SEZ6L: variants seen among roughly 807,000 people sequenced by gnomAD.
SEZ6L encodes seizure related 6 homolog like.
Under a neutral mutation model 106.2 loss-of-function variants are expected in SEZ6L, and 37 were observed. That is an observed-to-expected ratio of 0.35 (90% CI 0.27 to 0.46). The LOEUF (loss-of-function observed/expected upper bound fraction) is 0.46. Among genes scored for constraint, SEZ6L ranks in the 20% least tolerant of loss-of-function variants. The probability of loss-of-function intolerance (pLI) is 1.00; values close to 1 mark genes in which losing one functional copy is unlikely to be tolerated. For missense variants in SEZ6L, 1,172 were observed against 1,332.8 expected, an observed-to-expected ratio of 0.88 and a Z score of 1.88; for synonymous variants, 541 against 570.4, an observed-to-expected ratio of 0.95 and a Z score of 0.73.
At chr22:26,267,844 A>G (rs758853584) in intron 1 of SEZ6L, among the ~76,000 whole-genome samples, 3 of 152,198 alleles carry the variant, frequency 2.0e-5, no homozygotes, top group Non-Finnish European at 4.4e-5. Flanking sequence ...TGAAATTAAG[A>G]GGCAGGAGTT....
At chr22:26,268,810 G>A (rs753285877) in intron 1 of SEZ6L, among the ~76,000 whole-genome samples, 1 of 152,152 alleles carries the variant, frequency 6.6e-6, no homozygotes, top group Non-Finnish European at 1.5e-5. Flanking sequence ...TCCTCTGGAG[G>A]ACCAAATTAC....
At chr22:26,309,063 C>A (rs903956289) in intron 6 of SEZ6L, among the ~76,000 whole-genome samples, 5 of 152,170 alleles carry the variant, frequency 3.3e-5, no homozygotes, top group African/African-American at 1.2e-4. Flanking sequence ...AACATTTATA[C>A]ATCTTAGTGA....
chr22:26,268,420 G>T (rs2080257231), intron 1 of SEZ6L, among the ~76,000 whole-genome samples: 1 of 152,180 alleles, frequency 6.6e-6, no homozygotes, highest in Admixed American at 6.5e-5. Flanking sequence ...CATGACCAAG[G>T]TCACACAACT....
At chr22:26,300,489 A>C (rs950872489) in intron 5 of SEZ6L, among the ~76,000 whole-genome samples, 7 of 152,184 alleles carry the variant, frequency 4.6e-5, no homozygotes, top group African/African-American at 1.7e-4. Context: ...TGAACTCATC[A>C]TTTTTTATGG....
chr22:26,232,024 G>A (rs1032749858), intron 1 of SEZ6L, among the ~76,000 whole-genome samples: 3 of 152,250 alleles, frequency 2.0e-5, no homozygotes, highest in Non-Finnish European at 4.4e-5. Flanking sequence ...TTGAATGCAA[G>A]CTCCACCACC....
intron 2 of SEZ6L, 123 bp downstream of exon 2, chr22:26,293,269 G>A: frequency 1.5e-6 from 2 of 1,330,910 alleles, no homozygotes; most frequent in Non-Finnish European, 2.0e-6. Context: ...CGTCCATTGA[G>A]CACTGACTAT....
At chr22:26,277,432 C>A (rs898444246) in intron 1 of SEZ6L, among the ~76,000 whole-genome samples, 3 of 152,168 alleles carry the variant, frequency 2.0e-5, no homozygotes, top group Non-Finnish European at 4.4e-5. Context: ...TCCATCTGTA[C>A]GACCGTGGCA....
intron 8 of SEZ6L, among the ~76,000 whole-genome samples, chr22:26,313,436 A>G (rs1268947599): frequency 2.0e-5 from 3 of 152,090 alleles, no homozygotes; most frequent in Non-Finnish European, 4.4e-5. Flanking sequence ...CCCGCAAAAG[A>G]GCAGAGGCTG....
intron 9 of SEZ6L, among the ~76,000 whole-genome samples, chr22:26,334,019 G>A (rs1484611508): frequency 2.0e-5 from 3 of 152,068 alleles, no homozygotes; most frequent in Admixed American, 1.3e-4. Context: ...CGGCAGGGAC[G>A]GGGCAGGCGG....
chr22:26,249,604 C>G (rs1389631160), intron 1 of SEZ6L, among the ~76,000 whole-genome samples: 1 of 152,070 alleles, frequency 6.6e-6, no homozygotes, highest in Non-Finnish European at 1.5e-5. Context: ...CTGATTTCTT[C>G]TCTTGGCTAT....
Position 26,297,088 on chromosome 22 carries a change from C to T in SEZ6L, c.1162+8C>T. 6.3e-7 allele frequency: 1 copy of T among 1,580,238 alleles called. No individual in the cohort carries two copies. ...TCCAGCTTCACTACCAGGGTAGGGTCAGGCCAAGGCTGATGAAACATAGGC... is the reference window on the plus strand; with the variant it reads ...TCCAGCTTCACTACCAGGGTAGGGTTAGGCCAAGGCTGATGAAACATAGGC... On this transcript the variant is annotated splice_region_variant and intron_variant, in intron 4 of 16. Coordinates refer to ENST00000248933, the MANE Select transcript of SEZ6L (RefSeq NM_021115.5).
intron 9 of SEZ6L, among the ~76,000 whole-genome samples, chr22:26,314,136 T>C (rs1354465749): frequency 2.0e-5 from 3 of 150,570 alleles, no homozygotes; most frequent in Admixed American, 6.6e-5. Context: ...GTCCCTATCT[T>C]TGGGAAATTC....
chr22:26,236,978 C>T (rs982224212), intron 1 of SEZ6L, among the ~76,000 whole-genome samples: 14 of 152,164 alleles, frequency 9.2e-5, no homozygotes, highest in Non-Finnish European at 1.5e-4. Context: ...TTCTCTGCCT[C>T]GCTCTCAGTC....
At chr22:26,308,189 T>C (rs2081697216) in intron 6 of SEZ6L, among the ~76,000 whole-genome samples, 2 of 152,202 alleles carry the variant, frequency 1.3e-5, no homozygotes, top group Non-Finnish European at 2.9e-5. Context: ...GATAAGACTC[T>C]ACATAAGAAA....
At chr22:26,186,150 G>T (rs12158796) in intron 1 of SEZ6L, among the ~76,000 whole-genome samples, 1 of 151,792 alleles carries the variant, frequency 6.6e-6, no homozygotes, top group Non-Finnish European at 1.5e-5. Flanking sequence ...TCCTACACTT[G>T]CAGGGGAACG....
chr22:26,340,375 A>G (rs1465258385), intron 9 of SEZ6L, 61 bp from the exon 10 acceptor site: 2 of 1,474,046 alleles, frequency 1.4e-6, no homozygotes, highest in Non-Finnish European at 1.8e-6. Flanking sequence ...AAGTTAATCA[A>G]GGGTTTATTG....
In SEZ6L at chr22:26,365,466, C is replaced by T. The variant is rs2083774993; in HGVS notation, c.2694C>T (p.Thr898=). The part of the protein sequence containing the change: ...KRLYLPGESL[T]FMCYEGFELM... ...TCTACCTGCCAGGAGAGTCCCTCACCTTCATGTGCTACGAAGGCTTTGAGC... is the reference window on the plus strand; with the variant it reads ...TCTACCTGCCAGGAGAGTCCCTCACTTTCATGTGCTACGAAGGCTTTGAGC... The change falls in exon 13 of 17, where the codon ACC becomes ACT. Residue 898 remains threonine (T), a synonymous_variant. Coordinates refer to ENST00000248933, the MANE Select transcript of SEZ6L (RefSeq NM_021115.5). 1 of 1,614,096 alleles carries T rather than the reference C, an allele frequency of 6.2e-7. No homozygotes were observed. Among genetic ancestry groups the T allele is most frequent in the Non-Finnish European group, 8.5e-7 (1 of 1,180,040 alleles).
At chr22:26,378,609 G>T (rs535871796) in intron 16 of SEZ6L, among the ~76,000 whole-genome samples, 3 of 152,328 alleles carry the variant, frequency 2.0e-5, no homozygotes, top group Admixed American at 6.5e-5. Context: ...GTTGGGGAAG[G>T]CATCATTGAG....
chr22:26,342,488 G>C (rs1284927454), intron 10 of SEZ6L, among the ~76,000 whole-genome samples: 2 of 151,480 alleles, frequency 1.3e-5, no homozygotes, highest in African/African-American at 4.9e-5. Context: ...AGGAGATCGA[G>C]ACCATCCTGG....
Sources: allele counts gnomAD v4.1 joint callset (sites outside exome capture counted in the v4.1 genomes callset), GRCh38; gene constraint gnomAD v4.1.1; transcripts MANE v1.5; gene names NCBI Gene and HGNC (gene_info 2026-07-23, HGNC 2026-07-21).